Variants in ADGRV1 observed in about 807,000 individuals in gnomAD.
ADGRV1 encodes the protein G-protein coupled receptor 98.
Under a neutral mutation model 596.2 loss-of-function variants are expected in ADGRV1, and 359 were observed. The observed-to-expected ratio is 0.60, with a 90% CI of 0.55 to 0.66. ADGRV1 has a LOEUF of 0.66. Among genes scored for constraint, ADGRV1 ranks in the 30% least tolerant of loss-of-function variants. The pLI, the probability that ADGRV1 is intolerant of heterozygous loss-of-function variation, is 0.00. For missense variants in ADGRV1, 7,274 were observed against 7,575.6 expected (o/e 0.96, Z 1.48); for synonymous variants, 2,681 against 2,679.2 (o/e 1.00, Z -0.02).
chr5:91,146,657 T>C (rs1362277096), intron 87 of ADGRV1, among the ~76,000 whole-genome samples: 1 of 152,178 alleles, frequency 6.6e-6, no homozygotes, highest in African/African-American at 2.4e-5. Context: ...ATCTACAATG[T>C]GAATGGATCA....
chr5:90,876,682 G>A (rs1028599708), intron 83 of ADGRV1, among the ~76,000 whole-genome samples: 4 of 152,186 alleles, frequency 2.6e-5, no homozygotes, highest in Non-Finnish European at 5.9e-5. Flanking sequence ...TTATAGGAAA[G>A]TCAGATGAGG....
chr5:91,028,244 A>C (rs1406945300), intron 85 of ADGRV1, among the ~76,000 whole-genome samples: 1 of 151,674 alleles, frequency 6.6e-6, no homozygotes, highest in African/African-American at 2.4e-5. Flanking sequence ...CAATTCCACT[A>C]TTCCCTCTTC....
At chr5:90,928,303 T>C (rs374934214) in intron 83 of ADGRV1, among the ~76,000 whole-genome samples, 13 of 152,024 alleles carry the variant, frequency 8.6e-5, no homozygotes, top group African/African-American at 2.2e-4. Flanking sequence ...TCACATAGTC[T>C]CATATTTCTT....
chr5:90,677,712 G>T (rs990594749), intron 25 of ADGRV1, among the ~76,000 whole-genome samples: 3 of 152,144 alleles, frequency 2.0e-5, no homozygotes, highest in African/African-American at 7.2e-5. Context: ...AATATGCATT[G>T]TTATATATTA....
intron 43 of ADGRV1, among the ~76,000 whole-genome samples, chr5:90,719,586 T>A (rs537959258): frequency 2.5e-3 from 380 of 152,266 alleles, no homozygotes; most frequent in Non-Finnish European, 4.4e-3. Context: ...ACATTTTTTT[T>A]AATCACTGAG....
chr5:90,796,542 A>C (rs1021480126), intron 70 of ADGRV1, among the ~76,000 whole-genome samples: 1 of 152,242 alleles, frequency 6.6e-6, no homozygotes, highest in African/African-American at 2.4e-5. Context: ...AAGTTGGAAA[A>C]CATTCTTCAG....
intron 62 of ADGRV1, 72 bp downstream of exon 62, chr5:90,778,115 G>A: frequency 6.8e-7 from 1 of 1,464,270 alleles, no homozygotes. Context: ...GTGAGCATAT[G>A]TGTATGTGTG....
intron 85 of ADGRV1, among the ~76,000 whole-genome samples, chr5:91,015,184 A>G (rs1186882193): frequency 6.6e-6 from 1 of 152,000 alleles, no homozygotes; most frequent in African/African-American, 2.4e-5. Flanking sequence ...ATGTAATTGC[A>G]TGGTTTTGAG....
intron 86 of ADGRV1, among the ~76,000 whole-genome samples, chr5:91,096,040 G>A (rs755280768): frequency 3.3e-5 from 5 of 151,236 alleles, no homozygotes; most frequent in Non-Finnish European, 7.3e-5. Context: ...AATTACAGAC[G>A]TGAGCCACTG....
chr5:91,054,112 A>T (rs952017337), intron 85 of ADGRV1, among the ~76,000 whole-genome samples: 2,090 of 149,246 alleles, frequency 0.014, 49 homozygotes, highest in African/African-American at 0.049. Context: ...TGAGAGAGAG[A>T]GAGAGAGAGA....
intron 21 of ADGRV1, among the ~76,000 whole-genome samples, chr5:90,668,587 G>C (rs996116855): frequency 6.6e-6 from 1 of 152,062 alleles, no homozygotes; most frequent in African/African-American, 2.4e-5. Context: ...TGCTCATGCT[G>C]GGAGCTGTAG....
chr5:90,838,025 A>G (rs1056288817), intron 77 of ADGRV1, among the ~76,000 whole-genome samples: 1 of 152,092 alleles, frequency 6.6e-6, no homozygotes, highest in Non-Finnish European at 1.5e-5. Context: ...AATTAATCCA[A>G]TTGTATTGTT....
intron 60 of ADGRV1, among the ~76,000 whole-genome samples, chr5:90,774,870 T>G (rs898024118): frequency 1.3e-5 from 2 of 152,232 alleles, no homozygotes; most frequent in Non-Finnish European, 2.9e-5. Flanking sequence ...TATTTACAAT[T>G]ATCACACTTT....
At chr5:90,735,195 G>A (rs1354736835) in intron 50 of ADGRV1, among the ~76,000 whole-genome samples, 2 of 152,124 alleles carry the variant, frequency 1.3e-5, no homozygotes, top group African/African-American at 2.4e-5. Context: ...TATGTATTTG[G>A]TATGAAATAA....
chr5:90,956,561 A>G (rs1777498671), intron 83 of ADGRV1, among the ~76,000 whole-genome samples: 1 of 152,202 alleles, frequency 6.6e-6, no homozygotes, highest in Non-Finnish European at 1.5e-5. Context: ...TTGAAAATCC[A>G]AATCTACGTG....
intron 84 of ADGRV1, among the ~76,000 whole-genome samples, chr5:90,971,023 G>A (rs976027755): frequency 4.6e-5 from 7 of 152,166 alleles, no homozygotes; most frequent in Non-Finnish European, 1.0e-4. Flanking sequence ...ACCTGATGGA[G>A]CTGAAAACCA....
chr5:91,108,307 T>C (rs942192961), intron 87 of ADGRV1, among the ~76,000 whole-genome samples: 2 of 152,230 alleles, frequency 1.3e-5, no homozygotes, highest in Admixed American at 1.3e-4. Flanking sequence ...TTTGTTTTTT[T>C]ACCCCCCGAA....
chr5:90,994,594 A>G (rs1276304274), intron 85 of ADGRV1, among the ~76,000 whole-genome samples: 1 of 152,148 alleles, frequency 6.6e-6, no homozygotes, highest in Non-Finnish European at 1.5e-5. Flanking sequence ...TTTCTTGTGT[A>G]TACATCATAT....
At chr5:90,744,989 G>A in intron 50 of ADGRV1, 57 bp from the exon 51 acceptor site, 1 of 1,227,062 alleles carries the variant, frequency 8.1e-7, no homozygotes, top group Non-Finnish European at 1.2e-6. Context: ...GATGCAGGGA[G>A]TGTGGGAGGT....
Sources: allele counts gnomAD v4.1 joint callset (sites outside exome capture counted in the v4.1 genomes callset), GRCh38; gene constraint gnomAD v4.1.1; transcripts MANE v1.5; gene names NCBI Gene and HGNC (gene_info 2026-07-23, HGNC 2026-07-21).